The following FSD2 variants were observed in gnomAD, a reference collection of about 807,000 sequenced individuals.
The protein encoded by FSD2 is fibronectin type III and SPRY domain-containing protein 2.
A neutral mutation model predicts 80.4 loss-of-function variants in FSD2; 71 were observed. The ratio of observed to expected loss-of-function variants is 0.88; its 90% CI spans 0.73 to 1.08. FSD2 has a LOEUF of 1.08. Ranked by LOEUF, FSD2 falls within the 50% of genes least tolerant of loss-of-function variation. The pLI, the probability that FSD2 is intolerant of heterozygous loss-of-function variation, is 0.00. For synonymous variants in FSD2, 361 were observed against 329.5 expected (o/e 1.10, Z -1.03); for missense variants, 923 against 913.8 (o/e 1.01, Z -0.13).
intron 1 of FSD2, among the ~76,000 whole-genome samples, chr15:82,789,373 A>T (rs1427219971): frequency 6.7e-6 from 1 of 150,222 alleles, no homozygotes; most frequent in African/African-American, 2.5e-5. Context: ...AATAATAATA[A>T]TAATAATAGT....
rs184690382 is a variant in FSD2 at position 82,801,498 on chromosome 15, C to T, written c.-79+4468G>A. On this transcript the variant is annotated intron_variant, in intron 1 of 12. Transcript: ENST00000334574. Reference sequence around the variant, plus strand: ...ACCTGGACTCAGCCCTGGTGAGCCCCTGGGGACCTTCTCTCTTCTCCTCTT... The same window carrying T: ...ACCTGGACTCAGCCCTGGTGAGCCCTTGGGGACCTTCTCTCTTCTCCTCTT... 4.1e-3 allele frequency among the ~76,000 whole-genome samples: 625 copies of T among 152,276 alleles called. 21 individuals carry two copies. The highest frequency in any genetic ancestry group is 0.036 in the Admixed American group (550 of 15,296).
At position 82,756,062 on chromosome 15, in the gene FSD2, AC is replaced by A; in HGVS notation, c.*3285del. ...AAATAAATTCAAGACCTACTTATCT[AC>A]CAACAGCAATTACACGCTTTCCATT... On this transcript the variant is annotated 3_prime_UTR_variant, in exon 13 of 13. Transcript: ENST00000334574. The A allele has an allele frequency of 2.0e-6, 1 of 489,628 alleles. No individual in the cohort carries two copies. The highest frequency in any genetic ancestry group is 4.1e-6 in the Non-Finnish European group (1 of 242,356). The allele number at this position is 489,628 out of a possible 1,614,324, so 30.3% of individuals were successfully genotyped here.
intron 3 of FSD2, among the ~76,000 whole-genome samples, chr15:82,784,154 G>T (rs1470335679): frequency 6.6e-6 from 1 of 152,172 alleles, no homozygotes; most frequent in Non-Finnish European, 1.5e-5. Context: ...TCCCAGTGTT[G>T]AGTATGAAAG....
At chr15:82,791,667 C>T (rs967618648) in intron 1 of FSD2, among the ~76,000 whole-genome samples, 3 of 152,130 alleles carry the variant, frequency 2.0e-5, no homozygotes, top group African/African-American at 4.8e-5. Context: ...CCACTGCGCC[C>T]GGCTGTAATT....
In FSD2 at chr15:82,786,889, C is replaced by T. The variant is rs374908990; in HGVS notation, c.502G>A (p.Glu168Lys). The change falls in exon 2 of 13, where the codon GAG becomes AAG. Residue 168 changes from glutamate (E) to lysine (K), a missense_variant. Glu to Lys is a moderately conservative substitution (Grantham distance 56). Coordinates refer to ENST00000334574, the MANE Select transcript of FSD2 (RefSeq NM_001007122.4). ...SEEYECYVIP[E>K]EEDEEEAADV... ...GCAGCTTCTTCTTCATCCTCTTCCT[C>T]GGGGATGACATAGCATTCATACTCC... is the stretch of plus-strand genomic sequence containing the variant. 113 of 1,613,848 alleles carry T rather than the reference C, an allele frequency of 7.0e-5. No individual in the cohort carries two copies. Among genetic ancestry groups the T allele is most frequent in the Non-Finnish European group, 9.0e-5 (106 of 1,179,888 alleles).
intron 6 of FSD2, among the ~76,000 whole-genome samples, chr15:82,773,502 G>A (rs1486094722): frequency 6.6e-6 from 1 of 152,176 alleles, no homozygotes; most frequent in Non-Finnish European, 1.5e-5. Context: ...GGAAGGTGAT[G>A]ATTTATGTGA....
At chr15:82,793,456 A>G (rs985976999) in intron 1 of FSD2, among the ~76,000 whole-genome samples, 2 of 152,184 alleles carry the variant, frequency 1.3e-5, no homozygotes, top group Admixed American at 1.3e-4. Flanking sequence ...AGCACAAAAC[A>G]GTTTCTCACA....
rs1267877766 is a variant in FSD2, at chr15:82,787,422, A to T, written c.-32T>A. The T allele has an allele frequency of 3.2e-6, 5 of 1,550,432 alleles. No homozygotes were observed. Among genetic ancestry groups the T allele is most frequent in the South Asian group, 2.5e-5 (2 of 79,168 alleles). ...TCTGGAAGTCCTCAGAAGCACCTTT[A>T]TATAAGAAAGATCCTTCCTGGACAC... On this transcript the variant is annotated 5_prime_UTR_variant, in exon 2 of 13. Coordinates refer to ENST00000334574, the MANE Select transcript of FSD2 (RefSeq NM_001007122.4).
At chr15:82,768,774 G>T in intron 9 of FSD2, 106 bp downstream of exon 9, 6 of 1,090,314 alleles carry the variant, frequency 5.5e-6, no homozygotes, top group Non-Finnish European at 7.1e-6. Flanking sequence ...AGATTCCTGT[G>T]TATCAAAAAT....
chr15:82,772,315 C>A, intron 6 of FSD2, 87 bp from the exon 7 acceptor site: 1 of 1,327,644 alleles, frequency 7.5e-7, no homozygotes, highest in Non-Finnish European at 1.0e-6. Flanking sequence ...TTGATCCCCC[C>A]AATGAATCCA....
In FSD2 at chr15:82,772,091, G is replaced by A. The variant is rs2049592139; in HGVS notation, c.1249C>T (p.Pro417Ser). 4.4e-6 allele frequency: 7 copies of A among 1,583,098 alleles called. No homozygotes were observed. Among genetic ancestry groups the A allele is most frequent in the African/African-American group, 2.7e-5 (2 of 73,382 alleles). ...GCCTCACCTGCTTGGTCCGTCCCAG[G>A]TGAGCTGTCCTGCACTGGCCGGTAG... ...LSYRPVQDSS[P>S]GTDQAEFTVT... Residue 417 changes from proline to serine, a missense_variant, in exon 7 of 13, where the codon CCT (proline) becomes TCT (serine). Pro to Ser is a moderately conservative substitution (Grantham distance 74). Transcript: ENST00000334574.
chr15:82,803,849 CAT>C (rs2050469579), intron 1 of FSD2, among the ~76,000 whole-genome samples: 1 of 152,144 alleles, frequency 6.6e-6, no homozygotes, highest in Non-Finnish European at 1.5e-5. Flanking sequence ...CCTGTGTTTG[CAT>C]TGTTTCTGCC....
At chr15:82,778,127 C>CATATATATATATATATATATATATATAT (rs34527251) in intron 6 of FSD2, among the ~76,000 whole-genome samples, 8 of 83,936 alleles carry the variant, frequency 9.5e-5, no homozygotes, top group African/African-American at 1.8e-4. Flanking sequence ...ACAAAAAAAC[C>CATATATATATATATATATATATATATAT]ATATATATAT....
chr15:82,760,916 C>T (rs1442308389), intron 12 of FSD2, among the ~76,000 whole-genome samples: 1 of 152,134 alleles, frequency 6.6e-6, no homozygotes, highest in Non-Finnish European at 1.5e-5. Context: ...CTTTATGCTC[C>T]CTTAGTTTTA....
In FSD2 at chr15:82,758,345, A is replaced by T. The variant is rs1229689745; in HGVS notation, c.*1003T>A. On this transcript the variant is annotated 3_prime_UTR_variant, in exon 13 of 13. Transcript: ENST00000334574. ...AGGAATGTAGCTGATGGAGTTGGGC[A>T]TTGAGCTCACAGAATGGCCTGGGGG... 1 of 152,414 alleles carries T rather than the reference A, an allele frequency of 6.6e-6. No individual in the cohort carries two copies. Among genetic ancestry groups the T allele is most frequent in the Non-Finnish European group, 1.5e-5 (1 of 68,052 alleles). 9.4% of individuals were successfully genotyped at this position (152,414 alleles called of 1,614,324 possible). A position where few individuals can be genotyped will look rare whatever the true frequency, so the allele number is the denominator to read the frequency against.
chr15:82,760,728 T>C (rs2049274150), intron 12 of FSD2, among the ~76,000 whole-genome samples: 1 of 100,566 alleles, frequency 9.9e-6, no homozygotes, highest in South Asian at 2.8e-4. Flanking sequence ...TGTGCACGTG[T>C]GTGCGTGCAC....
chr15:82,764,132 T>C (rs2049353594), intron 11 of FSD2, among the ~76,000 whole-genome samples: 1 of 152,170 alleles, frequency 6.6e-6, no homozygotes, highest in Non-Finnish European at 1.5e-5. Flanking sequence ...GCATGACCCC[T>C]GTGAAGCAGG....
intron 1 of FSD2, among the ~76,000 whole-genome samples, chr15:82,803,114 G>C (rs1414698599): frequency 6.6e-6 from 1 of 152,082 alleles, no homozygotes; most frequent in Admixed American, 6.5e-5. Context: ...ACTTCTCAGA[G>C]ACGCTGCTTT....
intron 1 of FSD2, among the ~76,000 whole-genome samples, chr15:82,796,678 C>T (rs778821474): frequency 6.6e-6 from 1 of 152,206 alleles, no homozygotes; most frequent in Non-Finnish European, 1.5e-5. Context: ...TTCCACCCAG[C>T]TTTCTCTGCT....
Sources: gnomAD v4.1 joint callset for allele counts (sites outside exome capture counted in the v4.1 genomes callset) on GRCh38, gnomAD v4.1.1 for gene constraint, MANE v1.5 for transcripts, NCBI Gene and HGNC (gene_info 2026-07-23, HGNC 2026-07-21) for gene names.